CCL22: variants seen among roughly 807,000 people sequenced by gnomAD.
The protein encoded by CCL22 is C-C motif chemokine ligand 22, also known as C-C motif chemokine 22.
A neutral mutation model predicts 7.6 loss-of-function variants in CCL22; 7 were observed. That is an observed-to-expected ratio of 0.92 (90% CI 0.52 to 1.72). The LOEUF (loss-of-function observed/expected upper bound fraction) is 1.72, where lower values mean the gene tolerates loss of function less well. Ranked by LOEUF, CCL22 falls within the 40% of genes most tolerant of loss-of-function variation. CCL22 has a pLI of 0.00. For synonymous variants in CCL22, 55 were observed against 47.2 expected (o/e 1.17, Z -0.68); for missense variants, 115 against 124.7 (o/e 0.92, Z 0.37).
intron 2 of CCL22, among the ~76,000 whole-genome samples, chr16:57,362,921 T>G (rs1276418792): frequency 6.6e-6 from 1 of 151,638 alleles, no homozygotes; most frequent in African/African-American, 2.4e-5. Context: ...GGGGATTCTA[T>G]TTCATGGCCT....
chr16:57,358,185 C>T (rs569789265), upstream of CCL22, among the ~76,000 whole-genome samples: 8 of 152,162 alleles, frequency 5.3e-5, no homozygotes, highest in East Asian at 5.8e-4. Flanking sequence ...AGGGAGAGCC[C>T]GGCAGCCACT....
intron 2 of CCL22, among the ~76,000 whole-genome samples, chr16:57,362,450 T>C (rs1902058851): frequency 6.6e-6 from 1 of 152,114 alleles, no homozygotes; most frequent in Admixed American, 6.6e-5. Flanking sequence ...AGACCCTGTC[T>C]CTAAAATCAA....
At chr16:57,362,086 C>T (rs954051557) in intron 2 of CCL22, among the ~76,000 whole-genome samples, 1 of 152,256 alleles carries the variant, frequency 6.6e-6, no homozygotes, top group Admixed American at 6.5e-5. Context: ...GCCATCGTGA[C>T]CCCCTTTTCA....
At chr16:57,362,710 A>T (rs771311938) in intron 2 of CCL22, among the ~76,000 whole-genome samples, 6 of 151,816 alleles carry the variant, frequency 4.0e-5, no homozygotes, top group Non-Finnish European at 7.4e-5. Context: ...AAAATACAAA[A>T]ATTAGCTGGG....
intron 2 of CCL22, among the ~76,000 whole-genome samples, chr16:57,362,422 A>G (rs771072727): frequency 6.6e-6 from 1 of 152,116 alleles, no homozygotes; most frequent in African/African-American, 2.4e-5. Context: ...GGAGTTCAAG[A>G]CAAGCCTCAA....
At chr16:57,360,328 A>G in intron 1 of CCL22, 109 bp from the exon 2 acceptor site, 1 of 1,371,942 alleles carries the variant, frequency 7.3e-7, no homozygotes, top group African/African-American at 1.4e-5. Flanking sequence ...TGAGAACAGA[A>G]AAACTGCATC....
At chr16:57,360,605 G>C (rs2146496995) in intron 2 of CCL22, 45 bp downstream of exon 2, 1 of 1,612,500 alleles carries the variant, frequency 6.2e-7, no homozygotes, top group East Asian at 2.2e-5. Flanking sequence ...GGCCTGACGG[G>C]TACAGCCTGG....
intron 2 of CCL22, among the ~76,000 whole-genome samples, chr16:57,361,784 G>A (rs1259664655): frequency 6.6e-6 from 1 of 152,014 alleles, no homozygotes; most frequent in South Asian, 2.1e-4. Flanking sequence ...GACCCACTTT[G>A]GGCCTCTATT....
chr16:57,360,586 G>A (rs1246450984), intron 2 of CCL22, 26 bp downstream of exon 2: 2 of 1,613,652 alleles, frequency 1.2e-6, no homozygotes, highest in African/African-American at 1.3e-5. Flanking sequence ...GGGCCACAGG[G>A]CCTTGGTGGG....
At chr16:57,358,979 A>G in intron 1 of CCL22, 90 bp downstream of exon 1, 1 of 1,003,594 alleles carries the variant, frequency 1.0e-6, no homozygotes, top group Non-Finnish European at 1.6e-6. Context: ...CTGGACCAAG[A>G]GCAGAAGACC....
chr16:57,358,742 G>A (rs894876026), upstream of CCL22: 13 of 1,121,684 alleles, frequency 1.2e-5, no homozygotes, highest in African/African-American at 3.1e-5. Flanking sequence ...GCTTGTGGGT[G>A]GAGCCAGCAC....
intron 2 of CCL22, among the ~76,000 whole-genome samples, chr16:57,361,292 G>A (rs1902047220): frequency 1.3e-5 from 2 of 149,294 alleles, no homozygotes; most frequent in South Asian, 4.2e-4. Context: ...GCTCACACCA[G>A]AAGTGTCTTG....
Position 57,363,517 on chromosome 16 carries a change from A to T in CCL22, c.211A>T (p.Arg71Trp), listed in dbSNP as rs1902071836. 1.2e-6 allele frequency: 2 copies of T among 1,612,496 alleles called. No individual in the cohort carries two copies. The highest frequency in any genetic ancestry group is 1.7e-6 in the Non-Finnish European group (2 of 1,178,750). ...PRPGVVLLTF[R>W]DKEICADPRV... ...TCCTTCTTCCAGGTTGCTAACCTTC[A>T]GGGATAAGGAGATCTGTGCCGATCC... The change falls in exon 3 of 3, where the codon AGG (arginine) becomes TGG (tryptophan). Residue 71 changes from arginine (R) to tryptophan (W), a missense_variant. Transcript: ENST00000219235.
chr16:57,360,095 C>A (rs1012214746), intron 1 of CCL22, among the ~76,000 whole-genome samples: 2 of 152,194 alleles, frequency 1.3e-5, no homozygotes, highest in African/African-American at 4.8e-5. Context: ...TTTCTGAGTG[C>A]TTTTCATGCA....
At chr16:57,361,562 C>T (rs1210970882) in intron 2 of CCL22, among the ~76,000 whole-genome samples, 1 of 152,198 alleles carries the variant, frequency 6.6e-6, no homozygotes, top group East Asian at 1.9e-4. Context: ...CCTGGTTCCT[C>T]GTTCAGGGCT....
rs1902086804 is a variant in CCL22, at chr16:57,364,749, G to A, written c.*1161G>A. 1 of 150,430 alleles carries A rather than the reference G, an allele frequency of 6.6e-6. No individual in the cohort carries two copies. Among genetic ancestry groups the A allele is most frequent in the East Asian group, 2.0e-4 (1 of 5,082 alleles). 9.3% of individuals were successfully genotyped at this position (150,430 alleles called of 1,614,324 possible). A position where few individuals can be genotyped will look rare whatever the true frequency, so the allele number is the denominator to read the frequency against. On this transcript the variant is annotated 3_prime_UTR_variant, in exon 3 of 3. Transcript: ENST00000219235. ...CCACCTCAGCCTCCCAAAGTGCTGG[G>A]ATTACAGGCGTGAGCCACAGTGCCT...
At chr16:57,362,734 A>G (rs1902061958) in intron 2 of CCL22, among the ~76,000 whole-genome samples, 1 of 151,410 alleles carries the variant, frequency 6.6e-6, no homozygotes, top group Admixed American at 6.6e-5. Flanking sequence ...TGTGGCGGGC[A>G]CCTGTAATCC....
At chr16:57,361,075 C>T (rs1433446570) in intron 2 of CCL22, among the ~76,000 whole-genome samples, 1 of 152,070 alleles carries the variant, frequency 6.6e-6, no homozygotes. Context: ...GCCTGGTCAA[C>T]ATGGTGAAAC....
intron 1 of CCL22, 66 bp from the exon 2 acceptor site, chr16:57,360,371 G>A (rs1902034005): frequency 3.8e-6 from 6 of 1,596,920 alleles, no homozygotes; most frequent in Non-Finnish European, 5.1e-6. Context: ...CCGAGATCAG[G>A]GGCTGGGGCC....
Sources: allele counts gnomAD v4.1 joint callset (sites outside exome capture counted in the v4.1 genomes callset), GRCh38; gene constraint gnomAD v4.1.1; transcripts MANE v1.5; gene names NCBI Gene and HGNC (gene_info 2026-07-23, HGNC 2026-07-21).